LARGE1: variants seen among roughly 807,000 people sequenced by gnomAD.
LARGE1 encodes the protein xylosyl- and glucuronyltransferase LARGE1.
In LARGE1, 43 loss-of-function variants were observed where a neutral mutation model predicts 87.6. That is an observed-to-expected ratio of 0.49 (90% CI 0.38 to 0.63). The LOEUF (loss-of-function observed/expected upper bound fraction) is 0.63, where lower values mean the gene tolerates loss of function less well. Among genes scored for constraint, LARGE1 ranks in the 30% least tolerant of loss-of-function variants. LARGE1 has a pLI of 0.00. For missense variants in LARGE1, 802 were observed against 1,000.2 expected (o/e 0.80, Z 2.67); for synonymous variants, 434 against 394.6 (o/e 1.10, Z -1.18).
chr22:33,202,201 G>A (rs1924433817), intron 11 of LARGE1, among the ~76,000 whole-genome samples: 1 of 152,006 alleles, frequency 6.6e-6, no homozygotes, highest in Non-Finnish European at 1.5e-5. Flanking sequence ...TGAAGCACTG[G>A]GACACTAGAA....
chr22:33,315,198 G>T (rs1030657174), intron 11 of LARGE1, among the ~76,000 whole-genome samples: 1 of 152,148 alleles, frequency 6.6e-6, no homozygotes, highest in African/African-American at 2.4e-5. Flanking sequence ...CACGTTATAA[G>T]CTTAAAACAA....
At chr22:33,295,976 C>T (rs1933192729) in intron 12 of LARGE1, among the ~76,000 whole-genome samples, 1 of 152,168 alleles carries the variant, frequency 6.6e-6, no homozygotes, top group South Asian at 2.1e-4. Flanking sequence ...GTAAATTTTA[C>T]AAATAAAAAG....
intron 7 of LARGE1, among the ~76,000 whole-genome samples, chr22:33,392,533 C>G (rs11913691): frequency 0.1 from 15,136 of 152,004 alleles, 1,254 homozygotes; most frequent in African/African-American, 0.23. Flanking sequence ...GTGGTGGGTG[C>G]CTGTAATCAC....
intron 7 of LARGE1, among the ~76,000 whole-genome samples, chr22:33,393,028 T>G (rs1399511747): frequency 6.6e-6 from 1 of 152,074 alleles, no homozygotes; most frequent in Admixed American, 6.6e-5. Context: ...AAGAGATACA[T>G]CCACAGGAAG....
chr22:33,493,255 G>T (rs761180324), intron 6 of LARGE1, among the ~76,000 whole-genome samples: 2 of 150,934 alleles, frequency 1.3e-5, no homozygotes, highest in Non-Finnish European at 2.9e-5. Flanking sequence ...TCACCTCCCG[G>T]GTTCAAGTGA....
At chr22:33,640,090 C>T (rs1233492923) in intron 3 of LARGE1, among the ~76,000 whole-genome samples, 1 of 152,190 alleles carries the variant, frequency 6.6e-6, no homozygotes, top group Non-Finnish European at 1.5e-5. Flanking sequence ...TGCACCGTGA[C>T]AGGATGTCAA....
chr22:33,812,432 A>G (rs891330132), intron 1 of LARGE1, among the ~76,000 whole-genome samples: 2 of 152,014 alleles, frequency 1.3e-5, no homozygotes, highest in Non-Finnish European at 2.9e-5. Flanking sequence ...ACAAGTGATG[A>G]CTCTCTCTTT....
Position 33,871,396 on chromosome 22 carries a change from G to A in LARGE1, c.-83+48599C>T, listed in dbSNP as rs537328906. 1.5e-3 allele frequency among the ~76,000 whole-genome samples: 229 copies of A among 152,200 alleles called. 1 individual carries two copies. The highest frequency in any genetic ancestry group is 5.2e-3 in the African/African-American group (214 of 41,542). ...GTGCCAGCACTGTGTCAGGTAAGGG[G>A]GATACAAAAGACACAGACTCAGCCT... On this transcript the variant is annotated intron_variant, in intron 1 of 14. Coordinates refer to ENST00000397394, the MANE Select transcript of LARGE1 (RefSeq NM_133642.5).
chr22:33,893,803 C>T (rs2065064706), intron 1 of LARGE1, among the ~76,000 whole-genome samples: 1 of 152,198 alleles, frequency 6.6e-6, no homozygotes, highest in African/African-American at 2.4e-5. Flanking sequence ...GGGAACACCA[C>T]AAACCCCACG....
At chr22:33,592,926 G>C (rs889636424) in intron 5 of LARGE1, among the ~76,000 whole-genome samples, 2 of 151,916 alleles carry the variant, frequency 1.3e-5, no homozygotes, top group African/African-American at 4.8e-5. Flanking sequence ...TGCAAGCTCT[G>C]CCTCCCAGGT....
intron 6 of LARGE1, among the ~76,000 whole-genome samples, chr22:33,480,167 A>C (rs2069255280): frequency 6.6e-6 from 1 of 152,176 alleles, no homozygotes; most frequent in Admixed American, 6.5e-5. Flanking sequence ...GTGAATGACA[A>C]CCGAGGCGCA....
intron 11 of LARGE1, among the ~76,000 whole-genome samples, chr22:33,201,953 C>T (rs889436608): frequency 2.3e-4 from 35 of 151,992 alleles, no homozygotes; most frequent in African/African-American, 7.5e-4. Flanking sequence ...CTGGCTAACA[C>T]GGTGAAACCC....
At chr22:33,876,887 A>G (rs2146721316) in intron 1 of LARGE1, among the ~76,000 whole-genome samples, 1 of 150,542 alleles carries the variant, frequency 6.6e-6, no homozygotes, top group Non-Finnish European at 1.5e-5. Context: ...TTGGCATGGG[A>G]CACAAAAACT....
chr22:33,606,428 G>GAAACAAAATA (rs66471354), intron 4 of LARGE1, among the ~76,000 whole-genome samples: 9 of 148,838 alleles, frequency 6.0e-5, no homozygotes, highest in African/African-American at 2.2e-4. Flanking sequence ...AAAATAAAAT[G>GAAACAAAATA]AAATAAAATA....
chr22:33,650,607 G>A lies in LARGE1; in HGVS notation c.168C>T (p.Ala56=), dbSNP rs767688826. 1.9e-6 allele frequency: 3 copies of A among 1,604,682 alleles called. No individual in the cohort carries two copies. The highest frequency in any genetic ancestry group is 1.7e-6 in the Non-Finnish European group (2 of 1,179,938). The change falls in exon 3 of 15, where the codon GCC becomes GCT. Residue 56 remains alanine (A), a synonymous_variant. Transcript: ENST00000397394. ...GGCTCTCGCGCTCCCGCTGGCTGGAGGCCGTGTACCTGGGGCTGTGTGCCT... is the reference window on the plus strand; with the variant it reads ...GGCTCTCGCGCTCCCGCTGGCTGGAAGCCGTGTACCTGGGGCTGTGTGCCT... ...ESQAHSPRYT[A]SSQRERESLE... is the part of the protein sequence containing the mutation.
rs187010252 is a variant in LARGE1, at chr22:33,381,406, C to T, written c.1131+513G>A. On this transcript the variant is annotated intron_variant, in intron 9 of 14. Transcript: ENST00000397394. The stretch of plus-strand genomic sequence containing the variant: ...GATGAAAGCTTTTTCTGTCATTGTC[C>T]GCCCTCTGTGAGGAAGAATGAGACA... 2.8e-3 allele frequency among the ~76,000 whole-genome samples: 431 copies of T among 152,220 alleles called. 6 individuals are homozygous for T. The highest frequency in any genetic ancestry group is 0.023 in the South Asian group (111 of 4,820).
intron 6 of LARGE1, among the ~76,000 whole-genome samples, chr22:33,475,466 ATTTATTTATTTT>A (rs1252731533): frequency 2.1e-5 from 3 of 144,766 alleles, no homozygotes; most frequent in Admixed American, 6.9e-5. Flanking sequence ...TTATTTATTT[ATTTATTTATTTT>A]GAGATGGGGT....
intron 2 of LARGE1, among the ~76,000 whole-genome samples, chr22:33,713,972 GTAACATAACGTAACA>G (rs1481143425): frequency 0.06 from 7,229 of 119,726 alleles, 213 homozygotes; most frequent in Admixed American, 0.091. Flanking sequence ...AGTAAATAAC[GTAACATAACGTAACA>G]TAACATAACA....
intron 7 of LARGE1, among the ~76,000 whole-genome samples, chr22:33,401,153 T>C (rs1393639358): frequency 2.0e-5 from 3 of 152,096 alleles, no homozygotes; most frequent in African/African-American, 7.2e-5. Flanking sequence ...ATCTCCATGG[T>C]TCAAGCCTTC....
Sources: allele counts gnomAD v4.1 joint callset (sites outside exome capture counted in the v4.1 genomes callset), GRCh38; gene constraint gnomAD v4.1.1; transcripts MANE v1.5; gene names NCBI Gene and HGNC (gene_info 2026-07-23, HGNC 2026-07-21).